The following COL5A1 variants were observed in gnomAD, a reference collection of about 807,000 sequenced individuals.
The protein encoded by COL5A1 is collagen type V alpha 1 chain.
A neutral mutation model predicts 263.7 loss-of-function variants in COL5A1; 16 were observed. The ratio of observed to expected loss-of-function variants is 0.06; its 90% confidence interval spans 0.04 to 0.09. The LOEUF is 0.09. Ranked by LOEUF, COL5A1 falls within the 10% of genes least tolerant of loss-of-function variation. COL5A1 has a pLI of 1.00. For synonymous variants in COL5A1, 1,012 were observed against 1,004.5 expected (o/e 1.01, Z -0.14); for missense variants, 2,036 against 2,540.5 (o/e 0.80, Z 4.27).
chr9:134,728,330 A>T (rs3124301), intron 5 of COL5A1, among the ~76,000 whole-genome samples: 61,210 of 152,164 alleles, frequency 0.4, 13,539 homozygotes, highest in Admixed American at 0.58. Flanking sequence ...AGCCTGCTGG[A>T]GACATGGTGA....
intron 59 of COL5A1, among the ~76,000 whole-genome samples, chr9:134,822,383 G>A (rs1049658204): frequency 6.6e-6 from 1 of 152,206 alleles, no homozygotes; most frequent in Non-Finnish European, 1.5e-5. Flanking sequence ...GACAGGAAAC[G>A]GTGGCCATTT....
At chr9:134,761,105 C>T (rs1412573106) in intron 18 of COL5A1, among the ~76,000 whole-genome samples, 2 of 141,882 alleles carry the variant, frequency 1.4e-5, no homozygotes, top group East Asian at 2.2e-4. Flanking sequence ...CACACATGCA[C>T]ACAACCCACA....
At chr9:134,679,092 G>C (rs1832758829) in intron 1 of COL5A1, among the ~76,000 whole-genome samples, 1 of 152,206 alleles carries the variant, frequency 6.6e-6, no homozygotes, top group Non-Finnish European at 1.5e-5. Context: ...CCCTTAAAGT[G>C]ATACCCTGCC....
chr9:134,794,123 C>G lies in COL5A1; in HGVS notation c.2701-959C>G, dbSNP rs1036427166. ...CGGGTGAATCACGAGGTCAAGAGATCGAGACCATCCTTGCCAACATGGTGA... is the reference window on the plus strand; with the variant it reads ...CGGGTGAATCACGAGGTCAAGAGATGGAGACCATCCTTGCCAACATGGTGA... On this transcript the variant is annotated intron_variant, in intron 32 of 65. Coordinates refer to ENST00000371817, the MANE Select transcript of COL5A1 (RefSeq NM_000093.5). The surrounding 1 kb of genome is among the most constrained non-coding windows in gnomAD (Gnocchi z 4.3). 2.6e-5 allele frequency among the ~76,000 whole-genome samples: 4 copies of G among 152,056 alleles called. No individual in the cohort carries two copies. The highest frequency in any genetic ancestry group is 9.7e-5 in the African/African-American group (4 of 41,380).
At chr9:134,774,447 TAGC>T (rs1411458755) in intron 26 of COL5A1, among the ~76,000 whole-genome samples, 2 of 152,204 alleles carry the variant, frequency 1.3e-5, no homozygotes, top group Non-Finnish European at 2.9e-5. Context: ...CTTCCCTGTC[TAGC>T]AGCCTTGTCC....
In COL5A1 at chr9:134,709,314, T is replaced by TGG. The variant is rs71505312; in HGVS notation, c.654+7987_654+7988dup. On this transcript the variant is annotated intron_variant, in intron 4 of 65. Coordinates refer to ENST00000371817, the MANE Select transcript of COL5A1 (RefSeq NM_000093.5). Reference sequence around the variant, plus strand: ...TGAGCTGTGCCTGGCTGAGGAGGGGTGGGGGGGCTACTCCTGGCTAGCAGG... The same window carrying TGG: ...TGAGCTGTGCCTGGCTGAGGAGGGGTGGGGGGGGGCTACTCCTGGCTAGCAGG... The TGG allele has an allele frequency of 6.3e-4, 151 of 240,542 alleles. 1 individual carries two copies. Among genetic ancestry groups the TGG allele is most frequent in the Non-Finnish European group, 9.2e-4 (113 of 123,318 alleles). The allele number at this position is 240,542 out of a possible 1,614,324, so 14.9% of individuals were successfully genotyped here. A position where few individuals can be genotyped will look rare whatever the true frequency, so the allele number is the denominator to read the frequency against.
At chr9:134,679,233 C>T (rs1832762506) in intron 1 of COL5A1, among the ~76,000 whole-genome samples, 1 of 152,080 alleles carries the variant, frequency 6.6e-6, no homozygotes, top group Non-Finnish European at 1.5e-5. Flanking sequence ...CGATCTGTCC[C>T]CTGCACTGTG....
At chr9:134,657,971 C>G (rs958482093) in intron 1 of COL5A1, among the ~76,000 whole-genome samples, 1 of 151,894 alleles carries the variant, frequency 6.6e-6, no homozygotes, top group African/African-American at 2.4e-5. Context: ...GTCGGGTGGG[C>G]TTCACTGACG....
chr9:134,765,446 T>C lies in COL5A1; in HGVS notation c.2035-235T>C, dbSNP rs1836627068. ...CCTGAGGGTGCCCTGTGGTGTCCTC[T>C]CTGAGTTCTCACCAATTCCAGACAC... is the stretch of plus-strand genomic sequence containing the variant. On this transcript the variant is annotated intron_variant, in intron 20 of 65. Transcript: ENST00000371817. This position sits in a 1 kb window ranked among gnomAD's most constrained non-coding sequence, Gnocchi z 5.1. 6.6e-6 allele frequency among the ~76,000 whole-genome samples: 1 copy of C among 152,046 alleles called. No individual in the cohort carries two copies. The highest frequency in any genetic ancestry group is 1.5e-5 in the Non-Finnish European group (1 of 68,002).
At position 134,841,012 on chromosome 9, in the gene COL5A1, G is replaced by A. The variant is rs1456590305; in HGVS notation, c.5371-1145G>A. On this transcript the variant is annotated intron_variant, in intron 65 of 65. Transcript: ENST00000371817. This position sits in a 1 kb window ranked among gnomAD's most constrained non-coding sequence, Gnocchi z 4.8. ...GAGCTGGAGCTGCTGTCTGCTATCC[G>A]AATCTCCGGCCTGGGAGTCTGCGCT... 1.3e-5 allele frequency among the ~76,000 whole-genome samples: 2 copies of A among 152,222 alleles called. No homozygotes were observed. Among genetic ancestry groups the A allele is most frequent in the Non-Finnish European group, 2.9e-5 (2 of 68,030 alleles).
At chr9:134,645,860 C>T (rs1221127358) in intron 1 of COL5A1, among the ~76,000 whole-genome samples, 1 of 152,206 alleles carries the variant, frequency 6.6e-6, no homozygotes, top group African/African-American at 2.4e-5. Flanking sequence ...GGCCTGGGGG[C>T]CCAGTCCAAA....
chr9:134,835,612 G>A (rs192517789), intron 65 of COL5A1, among the ~76,000 whole-genome samples: 63 of 152,344 alleles, frequency 4.1e-4, no homozygotes, highest in African/African-American at 1.3e-3. Context: ...CCGAGAGCAC[G>A]GCCGTCTGGA....
intron 4 of COL5A1, among the ~76,000 whole-genome samples, chr9:134,706,479 C>A (rs1367528706): frequency 2.0e-5 from 3 of 152,238 alleles, no homozygotes; most frequent in Admixed American, 2.0e-4. Context: ...GTTATCTTCA[C>A]AGGCAAGGAG....
At chr9:134,761,446 T>C (rs1278090888) in intron 18 of COL5A1, among the ~76,000 whole-genome samples, 2 of 152,180 alleles carry the variant, frequency 1.3e-5, no homozygotes, top group African/African-American at 4.8e-5. Context: ...AACAACCACA[T>C]GGAAACAGCA....
chr9:134,753,765 T>TCCCCCCCCC, intron 14 of COL5A1, 85 bp from the exon 15 acceptor site: 1 of 485,446 alleles, frequency 2.1e-6, no homozygotes, highest in Non-Finnish European at 4.1e-6. Flanking sequence ...CCCCTCCCCC[T>TCCCCCCCCC]GCCCCTCCCC....
rs1834829421 is a variant in COL5A1 at position 134,730,263 on chromosome 9, G to A, written c.952G>A (p.Ala318Thr). The A allele has an allele frequency of 4.3e-6, 7 of 1,614,104 alleles. No homozygotes were observed. Among genetic ancestry groups the A allele is most frequent in the Non-Finnish European group, 5.9e-6 (7 of 1,180,030 alleles). The change falls in exon 7 of 66, where the codon GCT becomes ACT. Residue 318 changes from alanine to threonine, a missense_variant. Physicochemically the swap from Ala to Thr is moderately conservative, Grantham distance 58 (BLOSUM62 0). Coordinates refer to ENST00000371817, the MANE Select transcript of COL5A1 (RefSeq NM_000093.5). ...EELTPTPTEAAPMPETSEGAG... is the reference protein window; with the variant it reads ...EELTPTPTEATPMPETSEGAG... ...GCTGACCCCGACCCCCACGGAAGCT[G>A]CTCCCATGCCTGAAACCAGTGAAGG...
intron 4 of COL5A1, among the ~76,000 whole-genome samples, chr9:134,718,763 G>C (rs1242473068): frequency 1.3e-5 from 2 of 152,186 alleles, no homozygotes; most frequent in Non-Finnish European, 2.9e-5. Context: ...AGGAGCCCCA[G>C]TCAGCCCTCC....
At position 134,750,309 on chromosome 9, in the gene COL5A1, C is replaced by T. The variant is rs2132681865; in HGVS notation, c.1495-233C>T. ...ATTTCTCTATATCCAGCTCAGACCT[C>T]CCTCCCTTCTTATCCCTCCCTCCAA... is the stretch of plus-strand genomic sequence containing the variant. On this transcript the variant is annotated intron_variant, in intron 11 of 65. Coordinates refer to ENST00000371817, the MANE Select transcript of COL5A1 (RefSeq NM_000093.5). 2.0e-5 allele frequency among the ~76,000 whole-genome samples: 3 copies of T among 152,294 alleles called. No individual in the cohort carries two copies. In the Middle Eastern group the frequency reaches 0.01, roughly 518 times the overall value.
At chr9:134,688,184 G>A (rs746285348) in intron 1 of COL5A1, among the ~76,000 whole-genome samples, 2 of 152,202 alleles carry the variant, frequency 1.3e-5, no homozygotes, top group Non-Finnish European at 2.9e-5. Flanking sequence ...AGAGATCTGC[G>A]AACATGTCCA....
Sources: allele counts gnomAD v4.1 joint callset (sites outside exome capture counted in the v4.1 genomes callset), GRCh38; gene constraint gnomAD v4.1.1; non-coding constraint Gnocchi (gnomAD v3.1); transcripts MANE v1.5; gene names NCBI Gene and HGNC (gene_info 2026-07-23, HGNC 2026-07-21).